SEMA5A: variants seen among roughly 807,000 people sequenced by gnomAD.
SEMA5A encodes semaphorin-5A.
In SEMA5A, 55 loss-of-function variants were observed where a neutral mutation model predicts 135.5. That is an observed-to-expected ratio of 0.41 (90% confidence interval 0.33 to 0.51). The LOEUF (loss-of-function observed/expected upper bound fraction) is 0.51. Ranked by LOEUF, SEMA5A falls within the 20% of genes least tolerant of loss-of-function variation. The pLI, the probability that SEMA5A is intolerant of heterozygous loss-of-function variation, is 0.37. For missense variants in SEMA5A, 1,290 were observed against 1,419.9 expected, an observed-to-expected ratio of 0.91 and a Z score of 1.47; for synonymous variants, 580 against 546.5, an observed-to-expected ratio of 1.06 and a Z score of -0.85.
At chr5:9,118,462 A>C (rs980208521) in intron 15 of SEMA5A, among the ~76,000 whole-genome samples, 1 of 152,186 alleles carries the variant, frequency 6.6e-6, no homozygotes, top group Non-Finnish European at 1.5e-5. Context: ...ATGTGCTGAA[A>C]GCTCAAAATA....
chr5:9,067,144 A>G (rs913733576), intron 16 of SEMA5A, among the ~76,000 whole-genome samples: 2 of 152,164 alleles, frequency 1.3e-5, no homozygotes, highest in Admixed American at 6.5e-5. Context: ...TTTTTTACGT[A>G]TAAGGTTTCC....
At chr5:9,474,810 C>T (rs1348319131) in intron 1 of SEMA5A, among the ~76,000 whole-genome samples, 1 of 152,190 alleles carries the variant, frequency 6.6e-6, no homozygotes, top group African/African-American at 2.4e-5. Context: ...GCCATACCAG[C>T]TTACACCAGC....
chr5:9,518,751 C>A (rs180988630), intron 1 of SEMA5A, among the ~76,000 whole-genome samples: 1 of 152,158 alleles, frequency 6.6e-6, no homozygotes, highest in African/African-American at 2.4e-5. Context: ...TTAATGGAAC[C>A]CCATAAGGAG....
chr5:9,232,257 G>A (rs958954416), intron 6 of SEMA5A, among the ~76,000 whole-genome samples: 1 of 152,112 alleles, frequency 6.6e-6, no homozygotes, highest in Non-Finnish European at 1.5e-5. Context: ...CCGTCGCCCA[G>A]CCCACTAATT....
intron 3 of SEMA5A, among the ~76,000 whole-genome samples, chr5:9,357,985 A>G (rs758443303): frequency 6.6e-6 from 1 of 152,136 alleles, no homozygotes; most frequent in East Asian, 1.9e-4. Context: ...AGAAACAGGG[A>G]TTGTTGAATT....
chr5:9,136,651 A>C, intron 12 of SEMA5A, 30 bp from the exon 13 acceptor site: 3 of 1,576,100 alleles, frequency 1.9e-6, no homozygotes, highest in Non-Finnish European at 2.6e-6. Context: ...GGTCAACAGA[A>C]AGGTCGCTTT....
At chr5:9,292,387 G>A (rs570952043) in intron 5 of SEMA5A, among the ~76,000 whole-genome samples, 49 of 152,258 alleles carry the variant, frequency 3.2e-4, no homozygotes, top group African/African-American at 1.0e-3. Context: ...ATTCCTGAGA[G>A]GGAACTGAAA....
intron 10 of SEMA5A, among the ~76,000 whole-genome samples, chr5:9,196,845 G>A (rs1295361194): frequency 1.3e-5 from 2 of 152,234 alleles, no homozygotes; most frequent in Admixed American, 6.5e-5. Context: ...AGGGATCAGA[G>A]ATTCTGAGGA....
chr5:9,044,225 C>T (rs187261208), intron 22 of SEMA5A, 148 bp downstream of exon 22: 38 of 682,786 alleles, frequency 5.6e-5, no homozygotes, highest in East Asian at 5.4e-4. Context: ...CACCTGAAGT[C>T]GTAAGGACTA....
chr5:9,524,109 C>G lies in SEMA5A; in HGVS notation c.-175+21475G>C, dbSNP rs182889066. On this transcript the variant is annotated intron_variant, in intron 1 of 22. Coordinates refer to ENST00000382496, the MANE Select transcript of SEMA5A (RefSeq NM_003966.3). ...GTGCAGTGTTGTGATGGAGTTCTCA[C>G]GAAATCTGGTTGTTGAAAAGTATAG... Among the ~76,000 whole-genome samples the G allele has an allele frequency of 4.6e-5, 7 of 152,218 alleles. No individual in the cohort carries two copies. In the South Asian group the frequency reaches 1.5e-3, roughly 32 times the overall value.
At chr5:9,454,816 T>C (rs1481133683) in intron 1 of SEMA5A, among the ~76,000 whole-genome samples, 1 of 152,238 alleles carries the variant, frequency 6.6e-6, no homozygotes. Flanking sequence ...CCTCTCTTTA[T>C]GACGAAAAGG....
chr5:9,346,288 C>T (rs1345527135), intron 3 of SEMA5A, among the ~76,000 whole-genome samples: 1 of 152,162 alleles, frequency 6.6e-6, no homozygotes, highest in Non-Finnish European at 1.5e-5. Context: ...GCCCCATCCC[C>T]TTTCCAGCTC....
chr5:9,303,716 A>G (rs546695371), intron 5 of SEMA5A, among the ~76,000 whole-genome samples: 118 of 152,324 alleles, frequency 7.7e-4, no homozygotes, highest in African/African-American at 2.7e-3. Flanking sequence ...TATCCCATCA[A>G]TATGTACAAA....
intron 11 of SEMA5A, among the ~76,000 whole-genome samples, chr5:9,157,120 C>T (rs1742996795): frequency 6.6e-6 from 1 of 152,216 alleles, no homozygotes; most frequent in Non-Finnish European, 1.5e-5. Context: ...AGTGTCTAGT[C>T]ATGTGACGAG....
rs112244972 is a variant in SEMA5A at position 9,458,248 on chromosome 5, T to G, written c.-174-20396A>C. 5.1e-3 allele frequency among the ~76,000 whole-genome samples: 773 copies of G among 152,276 alleles called. 6 individuals are homozygous for G. Among genetic ancestry groups the G allele is most frequent in the African/African-American group, 0.018 (738 of 41,562 alleles). On this transcript the variant is annotated intron_variant, in intron 1 of 22. Coordinates refer to ENST00000382496, the MANE Select transcript of SEMA5A (RefSeq NM_003966.3). ...ATTTAAGGATGAGACAAAGCCATTA[T>G]GTATCACAATTGTGTAAAGGCACAA...
chr5:9,201,782 A>G (rs1745717917), intron 9 of SEMA5A, among the ~76,000 whole-genome samples, 173 bp downstream of exon 9: 1 of 152,212 alleles, frequency 6.6e-6, no homozygotes, highest in South Asian at 2.1e-4. Flanking sequence ...CACAAATCAC[A>G]TATCTTTATC....
At chr5:9,276,658 C>G (rs1351042269) in intron 5 of SEMA5A, among the ~76,000 whole-genome samples, 4 of 152,152 alleles carry the variant, frequency 2.6e-5, no homozygotes, top group African/African-American at 9.7e-5. Context: ...AATATCACCA[C>G]ACATTTACAA....
chr5:9,135,996 G>A (rs1043712936), intron 13 of SEMA5A, among the ~76,000 whole-genome samples: 3 of 152,134 alleles, frequency 2.0e-5, no homozygotes, highest in Non-Finnish European at 2.9e-5. Context: ...CTATGGGAAC[G>A]CACACTAGGC....
In SEMA5A at chr5:9,451,432, C is replaced by T. The variant is rs528926277; in HGVS notation, c.-174-13580G>A. On this transcript the variant is annotated intron_variant, in intron 1 of 22. Transcript: ENST00000382496. The stretch of plus-strand genomic sequence containing the variant: ...TTTACTGCTTCTCTTTTTCAGGGTA[C>T]GCTGGAAGAAGGGGCATAGCTATCC... Among the ~76,000 whole-genome samples, 315 of 152,236 alleles carry T rather than the reference C, an allele frequency of 2.1e-3. 1 individual carries two copies. Among genetic ancestry groups the T allele is most frequent in the Middle Eastern group, 0.01 (3 of 294 alleles).
Sources: gnomAD v4.1 joint callset for allele counts (sites outside exome capture counted in the v4.1 genomes callset) on GRCh38, gnomAD v4.1.1 for gene constraint, MANE v1.5 for transcripts, NCBI Gene and HGNC (gene_info 2026-07-23, HGNC 2026-07-21) for gene names.